Variants in PRKCH observed in about 807,000 individuals in gnomAD.
PRKCH encodes protein kinase C eta type.
Under a neutral mutation model 82.5 loss-of-function variants are expected in PRKCH, and 28 were observed. The ratio of observed to expected loss-of-function variants is 0.34; its 90% CI spans 0.25 to 0.47. The LOEUF (loss-of-function observed/expected upper bound fraction) is 0.47, where lower values mean the gene tolerates loss of function less well. Ranked by LOEUF, PRKCH falls within the 20% of genes least tolerant of loss-of-function variation. PRKCH has a pLI of 1.00. For synonymous variants in PRKCH, 322 were observed against 327.4 expected, an observed-to-expected ratio of 0.98 and a Z score of 0.18; for missense variants, 705 against 881.8, an observed-to-expected ratio of 0.80 and a Z score of 2.54.
intron 9 of PRKCH, among the ~76,000 whole-genome samples, chr14:61,467,488 G>A (rs1594739089): frequency 6.6e-6 from 1 of 152,234 alleles, no homozygotes; most frequent in East Asian, 1.9e-4. Context: ...TGGATGTGGG[G>A]AGGAGAAGGC....
chr14:61,329,694 A>G (rs527632947), intron 1 of PRKCH, among the ~76,000 whole-genome samples: 1 of 152,280 alleles, frequency 6.6e-6, no homozygotes, highest in South Asian at 2.1e-4. Flanking sequence ...CTTGTGCTTC[A>G]GGTCTCATTA....
chr14:61,232,444 C>T (rs992442404), intron 1 of PRKCH, among the ~76,000 whole-genome samples: 2 of 152,198 alleles, frequency 1.3e-5, no homozygotes, highest in African/African-American at 4.8e-5. Flanking sequence ...TGGTCTCAGA[C>T]TCCTGGGCTC....
chr14:61,344,273 A>C (rs1594931255), intron 1 of PRKCH: 1 of 152,152 alleles, frequency 6.6e-6, no homozygotes, highest in African/African-American at 2.4e-5. Flanking sequence ...CCACTGAGGA[A>C]GTAGGGTGAG....
intron 1 of PRKCH, among the ~76,000 whole-genome samples, chr14:61,332,404 G>A (rs1308461381): frequency 2.0e-5 from 3 of 152,214 alleles, no homozygotes; most frequent in Non-Finnish European, 4.4e-5. Flanking sequence ...ATCTGTCAAA[G>A]CACATAGGAC....
chr14:61,333,416 T>C lies in PRKCH; in HGVS notation c.363+10952T>C, dbSNP rs2045814539. Among the ~76,000 whole-genome samples, 5 of 152,258 alleles carry C rather than the reference T, an allele frequency of 3.3e-5. No individual in the cohort carries two copies. In the South Asian group the frequency reaches 1.0e-3, roughly 32 times the overall value. On this transcript the variant is annotated intron_variant, in intron 1 of 13. Transcript: ENST00000332981. ...TTGAAAGGGTTCAAAAATAAGGCTT[T>C]TATTAATTCCTAACATTCAGGGTGT...
chr14:61,428,063 A>AT (rs543495773), intron 2 of PRKCH, among the ~76,000 whole-genome samples: 783 of 77,578 alleles, frequency 0.01, 9 homozygotes, highest in African/African-American at 0.03. Flanking sequence ...AGATAGATAG[A>AT]TAGATAGATA....
At chr14:61,377,020 GGAT>G (rs1467704330) in intron 1 of PRKCH, among the ~76,000 whole-genome samples, 1 of 152,156 alleles carries the variant, frequency 6.6e-6, no homozygotes, top group Non-Finnish European at 1.5e-5. Context: ...CTTAATGTAA[GGAT>G]GACCTTTCCA....
At chr14:61,286,412 G>A (rs992942268) in intron 1 of PRKCH, among the ~76,000 whole-genome samples, 3 of 152,162 alleles carry the variant, frequency 2.0e-5, no homozygotes, top group Admixed American at 1.3e-4. Context: ...AGCACCAGAG[G>A]CACAAAAGAC....
chr14:61,296,924 A>C (rs922542237), intron 1 of PRKCH, among the ~76,000 whole-genome samples: 4 of 152,258 alleles, frequency 2.6e-5, no homozygotes, highest in Non-Finnish European at 5.9e-5. Context: ...TTATCTATGC[A>C]ATATGATCAT....
intron 1 of PRKCH, among the ~76,000 whole-genome samples, chr14:61,361,623 A>T (rs1358842224): frequency 1.3e-5 from 2 of 152,156 alleles, no homozygotes; most frequent in African/African-American, 2.4e-5. Flanking sequence ...TGGGCTTGGG[A>T]TCAGATAGAC....
intron 12 of PRKCH, among the ~76,000 whole-genome samples, chr14:61,541,984 G>T (rs899960632): frequency 6.6e-6 from 1 of 152,160 alleles, no homozygotes; most frequent in Non-Finnish European, 1.5e-5. Flanking sequence ...AGATATAGTT[G>T]CACATTAAAA....
intron 1 of PRKCH, among the ~76,000 whole-genome samples, chr14:61,202,331 C>A (rs1384627998): frequency 6.6e-6 from 1 of 152,180 alleles, no homozygotes; most frequent in Admixed American, 6.5e-5. Flanking sequence ...CTTCCTCTTC[C>A]GGTCTGTGTC....
chr14:61,542,903 C>T (rs2043206272), intron 12 of PRKCH, among the ~76,000 whole-genome samples: 1 of 152,216 alleles, frequency 6.6e-6, no homozygotes, highest in Non-Finnish European at 1.5e-5. Flanking sequence ...ACTATCATTT[C>T]TTGAGGGCTT....
intron 1 of PRKCH, among the ~76,000 whole-genome samples, chr14:61,235,630 A>G (rs1373834792): frequency 1.3e-5 from 2 of 152,346 alleles, no homozygotes; most frequent in East Asian, 1.9e-4. Flanking sequence ...CCAAAATACA[A>G]TCAGGCAAAA....
At chr14:61,395,401 C>T (rs1410616974) in intron 2 of PRKCH, among the ~76,000 whole-genome samples, 1 of 151,038 alleles carries the variant, frequency 6.6e-6, no homozygotes, top group Non-Finnish European at 1.5e-5. Context: ...TATGTCCAGC[C>T]ATAATATGAC....
At chr14:61,248,034 T>A (rs2044903630) in intron 1 of PRKCH, among the ~76,000 whole-genome samples, 1 of 152,234 alleles carries the variant, frequency 6.6e-6, no homozygotes, top group South Asian at 2.1e-4. Context: ...GCTGTAAGAC[T>A]TCCTTGTATG....
At chr14:61,361,072 G>A (rs1046860740) in intron 1 of PRKCH, 1 of 152,270 alleles carries the variant, frequency 6.6e-6, no homozygotes, top group African/African-American at 2.4e-5. Flanking sequence ...ACTCAGTTCA[G>A]AGGCTGCAGC....
Position 61,322,434 on chromosome 14 carries a change from G to T in PRKCH, c.333G>T (p.Thr111=). ...CTLQFQELLR[T]TGASDTFEGW... is the part of the protein sequence containing the mutation. ...TGCAGTTCCAGGAGCTGCTGCGCAC[G>T]ACCGGCGCCTCGGACACCTTCGAGG... is the stretch of plus-strand genomic sequence containing the variant. The change falls in exon 1 of 14, where the codon ACG becomes ACT. Residue 111 remains threonine, a synonymous_variant. Coordinates refer to ENST00000332981, the MANE Select transcript of PRKCH (RefSeq NM_006255.5). 6.3e-7 allele frequency: 1 copy of T among 1,597,728 alleles called. No homozygotes were observed. The highest frequency in any genetic ancestry group is 1.1e-5 in the South Asian group (1 of 90,804).
chr14:61,288,082 A>G (rs1442414711), intron 1 of PRKCH, among the ~76,000 whole-genome samples: 1 of 152,206 alleles, frequency 6.6e-6, no homozygotes, highest in East Asian at 1.9e-4. Flanking sequence ...AAAGCCATAT[A>G]TTCTAACAGC....
Sources: allele counts gnomAD v4.1 joint callset (sites outside exome capture counted in the v4.1 genomes callset), GRCh38; gene constraint gnomAD v4.1.1; transcripts MANE v1.5; gene names NCBI Gene and HGNC (gene_info 2026-07-23, HGNC 2026-07-21).